The following FREM2 variants were observed in gnomAD, a reference collection of about 807,000 sequenced individuals.
The protein encoded by FREM2 is FRAS1 related extracellular matrix 2.
FREM2 carries 119 observed loss-of-function variants against 219.9 expected under a neutral mutation model. That is an observed-to-expected ratio of 0.54 (90% CI 0.47 to 0.63). The LOEUF (loss-of-function observed/expected upper bound fraction) is 0.63, where lower values mean the gene tolerates loss of function less well. Among genes scored for constraint, FREM2 ranks in the 30% least tolerant of loss-of-function variants. FREM2 has a pLI of 0.00. For synonymous variants in FREM2, 1,562 were observed against 1,522.8 expected, an observed-to-expected ratio of 1.03 and a Z score of -0.60; for missense variants, 4,030 against 3,993.6, an observed-to-expected ratio of 1.01 and a Z score of -0.25.
intron 6 of FREM2, among the ~76,000 whole-genome samples, chr13:38,816,699 T>C (rs1239172544): frequency 6.6e-6 from 1 of 152,096 alleles, no homozygotes. Flanking sequence ...CATTTCTATT[T>C]AATGTAGTAA....
intron 14 of FREM2, among the ~76,000 whole-genome samples, chr13:38,860,177 G>T (rs1424450262): frequency 6.6e-6 from 1 of 152,144 alleles, no homozygotes; most frequent in Non-Finnish European, 1.5e-5. Flanking sequence ...AAGGAAACCA[G>T]CTGGTTGTTG....
intron 2 of FREM2, among the ~76,000 whole-genome samples, chr13:38,760,382 T>G (rs999167527): frequency 6.6e-6 from 1 of 152,214 alleles, no homozygotes; most frequent in South Asian, 2.1e-4. Context: ...ACTTCGTCCT[T>G]TCAGAACATA....
intron 23 of FREM2, 71 bp from the exon 24 acceptor site, chr13:38,880,213 C>A: frequency 6.9e-7 from 1 of 1,453,182 alleles, no homozygotes; most frequent in Non-Finnish European, 9.6e-7. Context: ...ATTAATTTCT[C>A]TTGCAAAGAG....
intron 2 of FREM2, among the ~76,000 whole-genome samples, chr13:38,747,392 A>ATGT (rs1872526498): frequency 1.4e-5 from 1 of 70,768 alleles, no homozygotes; most frequent in South Asian, 6.2e-4. Context: ...AAGCTGATAT[A>ATGT]ATATGTGTGT....
Position 38,769,695 on chromosome 13 carries a change from G to A in FREM2, c.5528G>A (p.Ser1843Asn). ...TRATWRVRIL[S>N]DGEHEQSETF... The stretch of plus-strand genomic sequence containing the variant: ...GCCACATGGCGAGTGCGGATCCTGA[G>A]TGATGGGGAGCATGAGCAGTCTGAA... Residue 1843 changes from serine (S) to asparagine (N), a missense_variant, in exon 4 of 24, where the codon AGT becomes AAT. Coordinates refer to ENST00000280481, the MANE Select transcript of FREM2 (RefSeq NM_207361.6). The A allele has an allele frequency of 6.2e-7, 1 of 1,614,160 alleles. No individual in the cohort carries two copies. The highest frequency in any genetic ancestry group is 1.3e-5 in the African/African-American group (1 of 75,048).
intron 6 of FREM2, among the ~76,000 whole-genome samples, chr13:38,845,164 C>T (rs1877104814): frequency 6.6e-6 from 1 of 152,108 alleles, no homozygotes; most frequent in Non-Finnish European, 1.5e-5. Flanking sequence ...TCATGCCCAC[C>T]ATGTGAAGAA....
chr13:38,688,043 C>T lies in FREM2; in HGVS notation c.699C>T (p.Leu233=), dbSNP rs781523250. 1 of 1,608,960 alleles carries T rather than the reference C, an allele frequency of 6.2e-7. No individual in the cohort carries two copies. The highest frequency in any genetic ancestry group is 8.5e-7 in the Non-Finnish European group (1 of 1,176,168). Residue 233 remains leucine (L), a synonymous_variant, in exon 1 of 24, where the codon CTC becomes CTT. Transcript: ENST00000280481. ...GCGCGCTGCCTCGCTATGGAGAACT[C>T]CTCCACTACCCGCAGGTCCCTGGAG... ...GLGALPRYGE[L]LHYPQVPGGA... is the part of the protein sequence containing the mutation.
chr13:38,825,964 G>A (rs1876266374), intron 6 of FREM2, among the ~76,000 whole-genome samples: 3 of 152,088 alleles, frequency 2.0e-5, no homozygotes, highest in Admixed American at 2.0e-4. Context: ...AAGCCAAAAT[G>A]TTATCTGATA....
intron 4 of FREM2, among the ~76,000 whole-genome samples, chr13:38,780,682 A>G (rs1032200494): frequency 3.9e-5 from 6 of 152,214 alleles, no homozygotes; most frequent in African/African-American, 1.4e-4. Flanking sequence ...CAGCAACCGG[A>G]AAGCCAAAGA....
Position 38,877,161 on chromosome 13 carries a change from G to A in FREM2, c.8589G>A (p.Met2863Ile), listed in dbSNP as rs1878368960. Residue 2863 changes from methionine to isoleucine, a missense_variant, in exon 21 of 24, where the codon ATG becomes ATA. By Grantham distance (10) the Met-to-Ile change is conservative. Around this residue, in one of 2 missense-constraint regions of FREM2, gnomAD observed 928 missense variants for 1,042.9 expected, o/e 0.89. Transcript: ENST00000280481. ...CTGAGTTTAGCTTGAACACCCAAAT[G>A]TACCTGCTCTCTAAGAAGAGTCTCT... ...VAAEFSLNTQ[M>I]YLLSKKSLWL... 1.2e-6 allele frequency: 2 copies of A among 1,613,968 alleles called. No individual in the cohort carries two copies. Among genetic ancestry groups the A allele is most frequent in the Non-Finnish European group, 1.7e-6 (2 of 1,179,954 alleles).
intron 2 of FREM2, among the ~76,000 whole-genome samples, chr13:38,704,933 C>T (rs952565448): frequency 2.6e-5 from 4 of 152,010 alleles, no homozygotes; most frequent in Non-Finnish European, 5.9e-5. Flanking sequence ...TCATGAGAAC[C>T]GCATGGGGGA....
rs556365187 is a variant in FREM2, at chr13:38,783,211, G to A, written c.5767+16G>A. 4.7e-5 allele frequency: 76 copies of A among 1,613,726 alleles called. No individual in the cohort carries two copies. In the East Asian group the frequency reaches 5.8e-4, roughly 12 times the overall value. ...ACCCAACAAGGTAGCTCGATTTGCC[G>A]AAAAACTAAGATAACCCCCAAAAGA... On this transcript the variant is annotated intron_variant, in intron 5 of 23. Transcript: ENST00000280481.
chr13:38,702,932 T>C (rs77610900), intron 2 of FREM2, among the ~76,000 whole-genome samples: 14,694 of 152,140 alleles, frequency 0.097, 880 homozygotes, highest in South Asian at 0.2. Context: ...TGCCCAATTT[T>C]CCATCCCCCA....
chr13:38,689,218 T>C lies in FREM2; in HGVS notation c.1874T>C (p.Leu625Pro). The C allele has an allele frequency of 1.2e-6, 2 of 1,614,076 alleles. No homozygotes were observed. The highest frequency in any genetic ancestry group is 8.5e-7 in the Non-Finnish European group (1 of 1,180,006). ...THPPHEKQELLRGLWRKEGAF... is the reference protein window; with the variant it reads ...THPPHEKQELPRGLWRKEGAF... Reference sequence around the variant, plus strand: ...CCTCCCCATGAGAAGCAGGAACTTCTCAGAGGCCTTTGGAGGAAGGAGGGG... The same window carrying C: ...CCTCCCCATGAGAAGCAGGAACTTCCCAGAGGCCTTTGGAGGAAGGAGGGG... The change falls in exon 1 of 24, where the codon CTC (leucine) becomes CCC (proline). Residue 625 changes from leucine to proline, a missense_variant. Coordinates refer to ENST00000280481, the MANE Select transcript of FREM2 (RefSeq NM_207361.6).
chr13:38,868,407 T>C (rs754020771), intron 16 of FREM2, among the ~76,000 whole-genome samples: 9 of 152,232 alleles, frequency 5.9e-5, no homozygotes, highest in Non-Finnish European at 1.3e-4. Context: ...TTGAGATAAG[T>C]ACAAGTTTTG....
At chr13:38,875,072 A>T (rs1465904978) in intron 18 of FREM2, among the ~76,000 whole-genome samples, 1 of 152,082 alleles carries the variant, frequency 6.6e-6, no homozygotes, top group African/African-American at 2.4e-5. Flanking sequence ...TGGCTATGCA[A>T]TTTTACTAAC....
At chr13:38,782,481 A>G (rs1193956998) in intron 4 of FREM2, among the ~76,000 whole-genome samples, 1 of 152,224 alleles carries the variant, frequency 6.6e-6, no homozygotes, top group Admixed American at 6.5e-5. Context: ...AAATAGATTT[A>G]TCAATTCTAA....
chr13:38,693,798 G>A (rs1382397856), intron 1 of FREM2, among the ~76,000 whole-genome samples: 1 of 152,180 alleles, frequency 6.6e-6, no homozygotes, highest in East Asian at 1.9e-4. Context: ...CTGGCAAATA[G>A]CTCCACACTC....
At chr13:38,878,739 TG>T in intron 22 of FREM2, 91 bp from the exon 23 acceptor site, 12 of 1,258,336 alleles carry the variant, frequency 9.5e-6, no homozygotes, top group Non-Finnish European at 1.4e-5. Context: ...TATAGTAATT[TG>T]TACTTGCACA....
Sources: gnomAD v4.1 joint callset for allele counts (sites outside exome capture counted in the v4.1 genomes callset) on GRCh38, gnomAD v4.1.1 for gene constraint, gnomAD v4.1.1 regional missense constraint, MANE v1.5 for transcripts, NCBI Gene and HGNC (gene_info 2026-07-23, HGNC 2026-07-21) for gene names.